The following ABCA1 variants were observed in gnomAD, a reference collection of about 807,000 sequenced individuals.
The protein encoded by ABCA1 is phospholipid-transporting ATPase ABCA1.
Under a neutral mutation model 262.5 loss-of-function variants are expected in ABCA1, and 133 were observed. The ratio of observed to expected loss-of-function variants is 0.51; its 90% CI spans 0.44 to 0.59. The LOEUF is 0.59. Among genes scored for constraint, ABCA1 ranks in the 20% least tolerant of loss-of-function variants. ABCA1 has a pLI of 0.00. For synonymous variants in ABCA1, 1,022 were observed against 1,043.5 expected, an observed-to-expected ratio of 0.98 and a Z score of 0.40; for missense variants, 2,452 against 2,777.5, an observed-to-expected ratio of 0.88 and a Z score of 2.63.
chr9:104,884,299 T>G (rs1050026565), intron 4 of ABCA1, 128 bp downstream of exon 4: 2 of 1,223,740 alleles, frequency 1.6e-6, no homozygotes, highest in African/African-American at 3.0e-5. Context: ...TTCTGCAGAC[T>G]CTATCACACA....
intron 2 of ABCA1, among the ~76,000 whole-genome samples, chr9:104,898,978 C>A (rs1362523825): frequency 2.0e-5 from 3 of 152,196 alleles, no homozygotes; most frequent in Non-Finnish European, 4.4e-5. Flanking sequence ...ATATGTTTCA[C>A]ATCTGCTGGC....
chr9:104,859,710 T>C (rs554410981), intron 6 of ABCA1, among the ~76,000 whole-genome samples: 2 of 152,320 alleles, frequency 1.3e-5, no homozygotes, highest in Non-Finnish European at 1.5e-5. Context: ...CTTTAACTGG[T>C]CCTTGCTGCT....
At position 104,796,087 on chromosome 9, in the gene ABCA1, A is replaced by G. The variant is rs1490374270; in HGVS notation, c.5348T>C (p.Val1783Ala). ...VNLFIGINGS[V>A]ATFVLELFTD... is the part of the protein sequence containing the mutation. Reference sequence around the variant, plus strand: ...GAACAGCTCCAGCACAAAGGTGGCCACGCTGCCATTAATGCCAATGAAGAG... The same window carrying G: ...GAACAGCTCCAGCACAAAGGTGGCCGCGCTGCCATTAATGCCAATGAAGAG... Residue 1783 changes from valine to alanine, a missense_variant, in exon 39 of 50, where the codon GTG becomes GCG. By Grantham distance (64) the Val-to-Ala change is moderately conservative. Coordinates refer to ENST00000374736, the MANE Select transcript of ABCA1 (RefSeq NM_005502.4). 1.2e-6 allele frequency: 2 copies of G among 1,613,204 alleles called. No homozygotes were observed. The highest frequency in any genetic ancestry group is 2.7e-5 in the African/African-American group (2 of 75,032).
At chr9:104,869,087 C>A (rs1837352637) in intron 5 of ABCA1, among the ~76,000 whole-genome samples, 1 of 151,984 alleles carries the variant, frequency 6.6e-6, no homozygotes, top group African/African-American at 2.4e-5. Context: ...AGGAGGAAAG[C>A]CCTTTGCTGA....
chr9:104,907,135 A>T (rs2118456344), intron 1 of ABCA1, among the ~76,000 whole-genome samples: 1 of 152,232 alleles, frequency 6.6e-6, no homozygotes, highest in Admixed American at 6.5e-5. Flanking sequence ...CCCACCTGCT[A>T]AGCAATGCCC....
chr9:104,805,788 T>C (rs1263637322), intron 31 of ABCA1, among the ~76,000 whole-genome samples: 1 of 152,236 alleles, frequency 6.6e-6, no homozygotes, highest in African/African-American at 2.4e-5. Flanking sequence ...ACATGCTTTT[T>C]CTTATGACAA....
At position 104,816,207 on chromosome 9, in the gene ABCA1, A is replaced by G. The variant is rs1240986167; in HGVS notation, c.3674T>C (p.Ile1225Thr). The G allele has an allele frequency of 1.9e-6, 3 of 1,614,056 alleles. No individual in the cohort carries two copies. The highest frequency in any genetic ancestry group is 2.5e-6 in the Non-Finnish European group (3 of 1,180,032). The change falls in exon 25 of 50, where the codon ATT becomes ACT. Residue 1225 changes from isoleucine to threonine, a missense_variant. Ile to Thr is a moderately conservative substitution (Grantham distance 89, BLOSUM62 -1). Transcript: ENST00000374736. ...EGAFVELFHE[I>T]DDRLSDLGIS... is the part of the protein sequence containing the mutation. ...GCCCAGGTCTGAGAGCCGGTCATCA[A>G]TCTCATGAAAGAGTTCCACAAAGGC...
At chr9:104,828,839 T>TC in intron 15 of ABCA1, 77 bp downstream of exon 15, 2 of 1,447,252 alleles carry the variant, frequency 1.4e-6, no homozygotes, top group South Asian at 2.4e-5. Context: ...GGATTTTTTT[T>TC]CTTCTTCTCC....
chr9:104,819,898 G>T lies in ABCA1; in HGVS notation c.3103+29C>A, dbSNP rs201885403. ...TGTGTAGCCGGAGGAGGAGGGGAGA[G>T]GGATAGGGAAGGTAGCTCTGGGCCG... On this transcript the variant is annotated intron_variant, in intron 21 of 49. Transcript: ENST00000374736. 20 of 1,610,532 alleles carry T rather than the reference G, an allele frequency of 1.2e-5. No individual in the cohort carries two copies. In the East Asian group the frequency reaches 4.5e-4, roughly 36 times the overall value.
intron 32 of ABCA1, among the ~76,000 whole-genome samples, chr9:104,803,765 G>A (rs970242205): frequency 7.2e-5 from 11 of 151,906 alleles, no homozygotes; most frequent in African/African-American, 2.4e-4. Context: ...GCACCACCAC[G>A]CCCAGCTTAT....
chr9:104,912,901 A>C (rs558829312), intron 1 of ABCA1, among the ~76,000 whole-genome samples: 1 of 152,332 alleles, frequency 6.6e-6, no homozygotes, highest in African/African-American at 2.4e-5. Context: ...GTGAATTCAT[A>C]AACACCCTGA....
intron 17 of ABCA1, chr9:104,825,456 A>G (rs1236289690): frequency 1.7e-6 from 1 of 604,720 alleles, no homozygotes; most frequent in African/African-American, 1.8e-5. Context: ...ATGTGTATAA[A>G]ACATTTTGCA....
chr9:104,797,813 G>A (rs919902442), intron 37 of ABCA1, among the ~76,000 whole-genome samples: 1 of 152,172 alleles, frequency 6.6e-6, no homozygotes, highest in African/African-American at 2.4e-5. Context: ...CTTGTTCGGT[G>A]GGAGAAGAAT....
chr9:104,884,283 C>T (rs1838958928), intron 4 of ABCA1, 144 bp downstream of exon 4: 2 of 1,010,872 alleles, frequency 2.0e-6, no homozygotes, highest in Non-Finnish European at 3.0e-6. Flanking sequence ...ATTCTCCCTT[C>T]CCTCATTCTG....
In ABCA1 at chr9:104,804,731, A is replaced by G. The variant is rs780877808; in HGVS notation, c.4465-11T>C. On this transcript the variant is annotated splice_polypyrimidine_tract_variant and intron_variant, in intron 31 of 49. Transcript: ENST00000374736. ...AGTGTTTTGTTTTCTCTGTCATCAC[A>G]TGAAAACCAAGCATACGGGTCTTTA... The G allele has an allele frequency of 3.1e-6, 5 of 1,606,338 alleles. No individual in the cohort carries two copies. The highest frequency in any genetic ancestry group is 4.3e-6 in the Non-Finnish European group (5 of 1,172,822).
Position 104,800,516 on chromosome 9 carries a change from A to AT in ABCA1, c.4766dup (p.Asn1589LysfsTer8). On this transcript the variant is annotated frameshift_variant, in exon 35 of 50. Coordinates refer to ENST00000374736, the MANE Select transcript of ABCA1 (RefSeq NM_005502.4). LOFTEE classifies it high-confidence loss of function. ...AACAAAGACAGCGGTTTACCTTGAC[A>AT]TTATTTTTGGTGTCCAGTCCTGTCA... 6.2e-7 allele frequency: 1 copy of AT among 1,613,826 alleles called. No homozygotes were observed. The highest frequency in any genetic ancestry group is 8.5e-7 in the Non-Finnish European group (1 of 1,179,670).
At chr9:104,816,433 G>A in intron 24 of ABCA1, 88 bp from the exon 25 acceptor site, 1 of 1,253,498 alleles carries the variant, frequency 8.0e-7, no homozygotes, top group Non-Finnish European at 1.2e-6. Context: ...CTCATCAGAG[G>A]CCTGCCGCTC....
rs115365004 is a variant in ABCA1, at chr9:104,895,709, T to C, written c.67-6514A>G. The stretch of plus-strand genomic sequence containing the variant: ...TCTCCCACACTACAGATGTTCACTG[T>C]CCACTTGATTATTCATGCCTGACTT... On this transcript the variant is annotated intron_variant, in intron 2 of 49. Coordinates refer to ENST00000374736, the MANE Select transcript of ABCA1 (RefSeq NM_005502.4). Among the ~76,000 whole-genome samples, 1,154 of 152,330 alleles carry C rather than the reference T, an allele frequency of 7.6e-3. 11 individuals are homozygous for C. Among genetic ancestry groups the C allele is most frequent in the African/African-American group, 0.026 (1,066 of 41,558 alleles).
chr9:104,878,504 G>A (rs1838339219), intron 5 of ABCA1, among the ~76,000 whole-genome samples: 1 of 152,166 alleles, frequency 6.6e-6, no homozygotes, highest in African/African-American at 2.4e-5. Flanking sequence ...GCAGCAGGGG[G>A]GTTTAGCCGT....
Sources: allele counts gnomAD v4.1 joint callset (sites outside exome capture counted in the v4.1 genomes callset), GRCh38; gene constraint gnomAD v4.1.1; transcripts MANE v1.5; gene names NCBI Gene and HGNC (gene_info 2026-07-23, HGNC 2026-07-21).